Variants in MDGA2 observed in about 807,000 individuals in gnomAD.
MDGA2 encodes MAM domain containing glycosylphosphatidylinositol anchor 2.
Under a neutral mutation model 117.8 loss-of-function variants are expected in MDGA2, and 40 were observed. The ratio of observed to expected loss-of-function variants is 0.34; its 90% CI spans 0.26 to 0.44. MDGA2 has a LOEUF of 0.44. MDGA2 is among the 20% of genes least tolerant of loss of function. The probability of loss-of-function intolerance (pLI) is 1.00; values close to 1 mark genes in which losing one functional copy is unlikely to be tolerated. For missense variants in MDGA2, 1,123 were observed against 1,250.6 expected (o/e 0.90, Z 1.54); for synonymous variants, 452 against 439.0 (o/e 1.03, Z -0.37).
chr14:47,312,688 G>GTTTTTTTTTT (rs1186421912), intron 1 of MDGA2, among the ~76,000 whole-genome samples: 8 of 104,292 alleles, frequency 7.7e-5, no homozygotes, highest in African/African-American at 3.2e-4. Flanking sequence ...TTTTTTTTTT[G>GTTTTTTTTTT]TTTTGTTTTG....
At chr14:46,846,688 T>C (rs1430852424) in intron 15 of MDGA2, among the ~76,000 whole-genome samples, 1 of 152,174 alleles carries the variant, frequency 6.6e-6, no homozygotes, top group African/African-American at 2.4e-5. Context: ...GAATTTTCTT[T>C]ATGGCTCCCA....
At chr14:46,911,112 A>G (rs1566520594) in intron 10 of MDGA2, among the ~76,000 whole-genome samples, 1 of 152,180 alleles carries the variant, frequency 6.6e-6, no homozygotes, top group Non-Finnish European at 1.5e-5. Flanking sequence ...GTTTACCCAT[A>G]TAACAAACTT....
chr14:47,020,960 C>CA (rs1356562834), intron 8 of MDGA2, among the ~76,000 whole-genome samples: 9 of 152,008 alleles, frequency 5.9e-5, no homozygotes, highest in East Asian at 3.9e-4. Flanking sequence ...AGGCATTTGA[C>CA]AAAAAATGGC....
intron 14 of MDGA2, among the ~76,000 whole-genome samples, chr14:46,856,260 C>A (rs1340939381): frequency 6.6e-6 from 1 of 152,022 alleles, no homozygotes; most frequent in African/African-American, 2.4e-5. Flanking sequence ...TAAAAATCAA[C>A]TGTATTGAGG....
rs550526139 is a variant in MDGA2, at chr14:46,976,886, G to C, written c.1820-19243C>G. The stretch of plus-strand genomic sequence containing the variant: ...TATATGCACCATTATTGAAACTAAT[G>C]AGTAGATAATTGCAGATTAATTGTA... On this transcript the variant is annotated intron_variant, in intron 8 of 16. Transcript: ENST00000399232. Among the ~76,000 whole-genome samples, 262 of 151,984 alleles carry C rather than the reference G, an allele frequency of 1.7e-3. 2 individuals are homozygous for C. The highest frequency in any genetic ancestry group is 2.3e-3 in the Non-Finnish European group (158 of 67,876).
intron 2 of MDGA2, among the ~76,000 whole-genome samples, chr14:47,294,930 TA>T (rs1485357524): frequency 6.6e-6 from 1 of 152,164 alleles, no homozygotes; most frequent in African/African-American, 2.4e-5. Flanking sequence ...CCTTGGTAGT[TA>T]AAAATGCATT....
chr14:47,408,577 G>T (rs1285878073), intron 1 of MDGA2, among the ~76,000 whole-genome samples: 1 of 152,100 alleles, frequency 6.6e-6, no homozygotes, highest in East Asian at 1.9e-4. Context: ...GCCATCAGCC[G>T]GAAATCAGCA....
intron 7 of MDGA2, among the ~76,000 whole-genome samples, chr14:47,050,962 C>A (rs940652778): frequency 2.0e-5 from 3 of 151,944 alleles, no homozygotes; most frequent in Admixed American, 1.3e-4. Flanking sequence ...TAAGTCATCA[C>A]ATGATCCAAC....
Position 47,538,450 on chromosome 14 carries a change from A to G in MDGA2, c.280+136067T>C, listed in dbSNP as rs74045139. 7.6e-3 allele frequency among the ~76,000 whole-genome samples: 1,159 copies of G among 152,364 alleles called. 15 individuals are homozygous for G. Among genetic ancestry groups the G allele is most frequent in the African/African-American group, 0.027 (1,117 of 41,576 alleles). On this transcript the variant is annotated intron_variant, in intron 1 of 16. Coordinates refer to ENST00000399232, the MANE Select transcript of MDGA2 (RefSeq NM_001113498.3). The stretch of plus-strand genomic sequence containing the variant: ...GTTCTGGAACAATAATGGGTAAGTC[A>G]AAGTGTTTCAGTCTATAACAAGACT...
chr14:47,308,294 T>G (rs1889521681), intron 1 of MDGA2, among the ~76,000 whole-genome samples: 1 of 152,154 alleles, frequency 6.6e-6, no homozygotes, highest in Non-Finnish European at 1.5e-5. Context: ...AACTGAATAT[T>G]TCAACAATAT....
At chr14:47,000,365 GTATATATATATTTA>G (rs1170850632) in intron 8 of MDGA2, among the ~76,000 whole-genome samples, 43 of 51,450 alleles carry the variant, frequency 8.4e-4, no homozygotes, top group African/African-American at 2.6e-3. Context: ...ACATATATAT[GTATATATATATTTA>G]TATATATATA....
intron 2 of MDGA2, among the ~76,000 whole-genome samples, chr14:47,285,530 T>G (rs1184814312): frequency 6.6e-6 from 1 of 152,160 alleles, no homozygotes; most frequent in Non-Finnish European, 1.5e-5. Context: ...TACTTTAAAC[T>G]GTGTGCTGTT....
At chr14:47,486,459 G>A (rs2138644679) in intron 1 of MDGA2, among the ~76,000 whole-genome samples, 1 of 152,196 alleles carries the variant, frequency 6.6e-6, no homozygotes, top group African/African-American at 2.4e-5. Flanking sequence ...TTTGGACTCT[G>A]GACTTTTGAG....
intron 1 of MDGA2, among the ~76,000 whole-genome samples, chr14:47,486,283 A>C (rs1165015305): frequency 9.9e-5 from 15 of 152,212 alleles, no homozygotes; most frequent in Admixed American, 9.8e-4. Flanking sequence ...GCTGGATTTC[A>C]GAATTGCATG....
chr14:47,453,580 C>T lies in MDGA2; in HGVS notation c.281-152030G>A, dbSNP rs2138575620. The stretch of plus-strand genomic sequence containing the variant: ...CTCACTCTTCTTGGTAATTTCTTAC[C>T]TCCTGATCAGACCACTGTCCAACTC... On this transcript the variant is annotated intron_variant, in intron 1 of 16. Transcript: ENST00000399232. Among the ~76,000 whole-genome samples the T allele has an allele frequency of 1.3e-5, 2 of 152,124 alleles. 1 individual carries two copies. The highest frequency in any genetic ancestry group is 6.8e-3 in the Middle Eastern group (2 of 294).
intron 2 of MDGA2, among the ~76,000 whole-genome samples, chr14:47,271,494 G>T (rs963089208): frequency 6.6e-6 from 1 of 152,108 alleles, no homozygotes; most frequent in Non-Finnish European, 1.5e-5. Flanking sequence ...TGAGAATTGC[G>T]TATAAGTAGA....
intron 5 of MDGA2, among the ~76,000 whole-genome samples, chr14:47,098,339 C>CT (rs1361306515): frequency 6.6e-6 from 1 of 150,592 alleles, no homozygotes; most frequent in Non-Finnish European, 1.5e-5. Flanking sequence ...CATGAAGTGC[C>CT]TGTATGACCT....
At chr14:47,106,463 G>A (rs4420422) in intron 5 of MDGA2, among the ~76,000 whole-genome samples, 16,903 of 151,762 alleles carry the variant, frequency 0.11, 1,059 homozygotes, top group Admixed American at 0.11. Context: ...TACATGTGCC[G>A]GAAATCTGGC....
At chr14:47,268,414 A>C (rs112883262) in intron 2 of MDGA2, among the ~76,000 whole-genome samples, 40 of 152,272 alleles carry the variant, frequency 2.6e-4, no homozygotes, top group African/African-American at 8.7e-4. Context: ...CATTATAAAA[A>C]TAATTTTGAA....
Sources: gnomAD v4.1 joint callset for allele counts (sites outside exome capture counted in the v4.1 genomes callset) on GRCh38, gnomAD v4.1.1 for gene constraint, MANE v1.5 for transcripts, NCBI Gene and HGNC (gene_info 2026-07-23, HGNC 2026-07-21) for gene names.